IGF2BP3: variants seen among roughly 807,000 people sequenced by gnomAD.
IGF2BP3 encodes insulin-like growth factor 2 mRNA-binding protein 3.
IGF2BP3 carries 9 observed loss-of-function variants against 73.8 expected under a neutral mutation model. The ratio of observed to expected loss-of-function variants is 0.12; its 90% CI spans 0.07 to 0.21. The LOEUF (loss-of-function observed/expected upper bound fraction) is 0.21. Ranked by LOEUF, IGF2BP3 falls within the 10% of genes least tolerant of loss-of-function variation. IGF2BP3 has a pLI of 1.00. For missense variants in IGF2BP3, 542 were observed against 714.0 expected (o/e 0.76, Z 2.75); for synonymous variants, 258 against 256.7 (o/e 1.01, Z -0.05).
intron 3 of IGF2BP3, among the ~76,000 whole-genome samples, chr7:23,410,040 G>C (rs1410978193): frequency 2.0e-5 from 3 of 151,970 alleles, no homozygotes; most frequent in Non-Finnish European, 2.9e-5. Context: ...ATGTTGGTGG[G>C]CGCCTGTAAT....
chr7:23,408,318 T>G (rs952378579), intron 3 of IGF2BP3, among the ~76,000 whole-genome samples: 2 of 151,844 alleles, frequency 1.3e-5, no homozygotes, highest in African/African-American at 4.8e-5. Flanking sequence ...AAGTAGAAAA[T>G]CCCAAGCAAT....
chr7:23,464,896 T>C (rs1788529150), intron 2 of IGF2BP3, among the ~76,000 whole-genome samples: 1 of 152,006 alleles, frequency 6.6e-6, no homozygotes, highest in African/African-American at 2.4e-5. Flanking sequence ...TTAATAAAAA[T>C]ATGCTTAGGT....
At chr7:23,350,532 A>G (rs1211702808) in intron 6 of IGF2BP3, among the ~76,000 whole-genome samples, 1 of 152,234 alleles carries the variant, frequency 6.6e-6, no homozygotes, top group Admixed American at 6.5e-5. Context: ...ACTGTACAAC[A>G]GTATGGTTTC....
At chr7:23,456,842 T>C (rs1389654559) in intron 2 of IGF2BP3, among the ~76,000 whole-genome samples, 1 of 151,822 alleles carries the variant, frequency 6.6e-6, no homozygotes, top group African/African-American at 2.4e-5. Flanking sequence ...GAGGTCGAGA[T>C]CGAGACCATC....
At chr7:23,321,376 A>G (rs186403645) in intron 10 of IGF2BP3, among the ~76,000 whole-genome samples, 1 of 152,278 alleles carries the variant, frequency 6.6e-6, no homozygotes, top group East Asian at 1.9e-4. Context: ...GGCTTAAAAA[A>G]CGGCACACCA....
At chr7:23,368,343 AAAAG>A (rs58687904) in intron 3 of IGF2BP3, among the ~76,000 whole-genome samples, 13,993 of 137,956 alleles carry the variant, frequency 0.1, 1,125 homozygotes, top group East Asian at 0.45. Flanking sequence ...AAGAAAGAAA[AAAAG>A]AAAGAAAGAA....
At chr7:23,352,278 A>ATTT (rs70966011) in intron 5 of IGF2BP3, among the ~76,000 whole-genome samples, 9 of 73,760 alleles carry the variant, frequency 1.2e-4, no homozygotes, top group African/African-American at 1.5e-4. Flanking sequence ...TCTCTTTTTC[A>ATTT]TTTTTTTTTT....
rs1193996049 is a variant in IGF2BP3 at position 23,468,644 on chromosome 7, C to T, written c.176-102G>A. On this transcript the variant is annotated intron_variant, in intron 1 of 14. Coordinates refer to ENST00000258729, the MANE Select transcript of IGF2BP3 (RefSeq NM_006547.3). ...GGCGACACAAATGGCCTCCTGAGGC[C>T]CTCGAAGGGCCCCCGAGGCCCGGAC... The T allele has an allele frequency of 1.0e-5, 12 of 1,171,942 alleles. No individual in the cohort carries two copies. In the East Asian group the frequency reaches 2.8e-4, roughly 27 times the overall value. 72.6% of individuals were successfully genotyped at this position (1,171,942 alleles called of 1,614,324 possible). A position where few individuals can be genotyped will look rare whatever the true frequency, so the allele number is the denominator to read the frequency against.
At chr7:23,407,249 C>T (rs1329284391) in intron 3 of IGF2BP3, among the ~76,000 whole-genome samples, 3 of 145,350 alleles carry the variant, frequency 2.1e-5, no homozygotes, top group Non-Finnish European at 4.5e-5. Context: ...ACACTACAAA[C>T]GACCCAAGAT....
intron 10 of IGF2BP3, among the ~76,000 whole-genome samples, chr7:23,338,045 A>T (rs1007385545): frequency 1.3e-5 from 2 of 152,194 alleles, no homozygotes; most frequent in African/African-American, 4.8e-5. Context: ...GTAACAATAC[A>T]TACCCAAACC....
intron 10 of IGF2BP3, among the ~76,000 whole-genome samples, chr7:23,324,421 A>G (rs1784237959): frequency 1.3e-5 from 2 of 150,016 alleles, no homozygotes; most frequent in African/African-American, 4.9e-5. Flanking sequence ...AAATTGTGGC[A>G]ATAATCAATA....
At chr7:23,445,146 A>G (rs1788030883) in intron 2 of IGF2BP3, among the ~76,000 whole-genome samples, 1 of 152,242 alleles carries the variant, frequency 6.6e-6, no homozygotes, top group Non-Finnish European at 1.5e-5. Flanking sequence ...AGATGCTCAC[A>G]TATACATGTA....
chr7:23,438,733 T>C (rs1023232450), intron 2 of IGF2BP3, among the ~76,000 whole-genome samples: 4 of 152,222 alleles, frequency 2.6e-5, no homozygotes, highest in Admixed American at 2.0e-4. Flanking sequence ...AATTTAGTTA[T>C]AATAACCCTA....
chr7:23,337,395 T>G (rs904832939), intron 10 of IGF2BP3, among the ~76,000 whole-genome samples: 7 of 152,212 alleles, frequency 4.6e-5, no homozygotes, highest in African/African-American at 1.7e-4. Flanking sequence ...AGAATTTAGA[T>G]TCTGCTTTTT....
intron 3 of IGF2BP3, among the ~76,000 whole-genome samples, chr7:23,374,042 G>C (rs1469511054): frequency 6.6e-6 from 1 of 152,198 alleles, no homozygotes; most frequent in Non-Finnish European, 1.5e-5. Context: ...GAGGAACTGT[G>C]AGCCAAATAA....
chr7:23,412,309 C>T (rs1326361047), intron 3 of IGF2BP3, among the ~76,000 whole-genome samples: 2 of 152,136 alleles, frequency 1.3e-5, no homozygotes, highest in Non-Finnish European at 2.9e-5. Context: ...ATAAGGAATA[C>T]TTGGTTTCCC....
At position 23,467,023 on chromosome 7, in the gene IGF2BP3, T is replaced by C. The variant is rs79811752; in HGVS notation, c.236+1459A>G. Among the ~76,000 whole-genome samples the C allele has an allele frequency of 8.5e-3, 1,288 of 152,306 alleles. 10 individuals carry two copies. Among genetic ancestry groups the C allele is most frequent in the Non-Finnish European group, 0.012 (807 of 68,022 alleles). ...AATTCAGGCTATGGCTTTAAGCTTC[T>C]TTTTACGGGAATATGACTTCTCCCT... On this transcript the variant is annotated intron_variant, in intron 2 of 14. Transcript: ENST00000258729.
intron 3 of IGF2BP3, among the ~76,000 whole-genome samples, chr7:23,410,482 G>C (rs558794056): frequency 6.6e-6 from 1 of 152,192 alleles, no homozygotes; most frequent in Non-Finnish European, 1.5e-5. Context: ...AGGGAGCAGG[G>C]TGGGGTCAGA....
At chr7:23,374,303 G>A (rs1326625310) in intron 3 of IGF2BP3, among the ~76,000 whole-genome samples, 1 of 152,146 alleles carries the variant, frequency 6.6e-6, no homozygotes, top group Non-Finnish European at 1.5e-5. Context: ...ATCTGTGAGG[G>A]ATTGGTTTCA....
Sources: gnomAD v4.1 joint callset for allele counts (sites outside exome capture counted in the v4.1 genomes callset) on GRCh38, gnomAD v4.1.1 for gene constraint, MANE v1.5 for transcripts, NCBI Gene and HGNC (gene_info 2026-07-23, HGNC 2026-07-21) for gene names.